Variants in PLEKHH1 observed in about 807,000 individuals in gnomAD.
PLEKHH1 encodes pleckstrin homology domain-containing family H member 1.
In PLEKHH1, 104 loss-of-function variants were observed where a neutral mutation model predicts 160.0. The observed-to-expected ratio is 0.65, with a 90% CI of 0.55 to 0.76. The LOEUF (loss-of-function observed/expected upper bound fraction) is 0.76. Ranked by LOEUF, PLEKHH1 falls within the 30% of genes least tolerant of loss-of-function variation. The probability of loss-of-function intolerance (pLI) is 0.00; values close to 1 mark genes in which losing one functional copy is unlikely to be tolerated. For missense variants in PLEKHH1, 1,427 were observed against 1,724.1 expected (o/e 0.83, Z 3.05); for synonymous variants, 619 against 678.4 (o/e 0.91, Z 1.36).
At chr14:67,549,182 C>T (rs1298917504) in intron 2 of PLEKHH1, among the ~76,000 whole-genome samples, 2 of 152,080 alleles carry the variant, frequency 1.3e-5, no homozygotes, top group Non-Finnish European at 2.9e-5. Flanking sequence ...TTTGTGCTCA[C>T]AGATCTGATT....
At position 67,579,117 on chromosome 14, in the gene PLEKHH1, C is replaced by CTCTT. The variant is rs138916872; in HGVS notation, c.2850-16_2850-13dup. 2 of 1,341,652 alleles carry CTCTT rather than the reference C, an allele frequency of 1.5e-6. No homozygotes were observed. Among genetic ancestry groups the CTCTT allele is most frequent in the Non-Finnish European group, 1.0e-6 (1 of 986,370 alleles). The allele number at this position is 1,341,652 out of a possible 1,614,324, so 83.1% of individuals were successfully genotyped here. The stretch of plus-strand genomic sequence containing the variant: ...GATGAGCAGAGCCCATAATACTCCC[C>CTCTT]TCTTCCGTCTTTTTAGAAGTGAAAC... On this transcript the variant is annotated splice_polypyrimidine_tract_variant and intron_variant, in intron 20 of 28. Transcript: ENST00000329153.
At chr14:67,575,327 C>A in intron 14 of PLEKHH1, 65 bp from the exon 15 acceptor site, 2 of 954,536 alleles carry the variant, frequency 2.1e-6, no homozygotes, top group Non-Finnish European at 3.2e-6. Context: ...CTTCTATTTG[C>A]CAGTCCTGGA....
chr14:67,551,972 C>T (rs2034410386), intron 2 of PLEKHH1, among the ~76,000 whole-genome samples: 1 of 152,192 alleles, frequency 6.6e-6, no homozygotes, highest in Non-Finnish European at 1.5e-5. Context: ...CACAGCAGGA[C>T]TGTGCTGGGA....
intron 1 of PLEKHH1, among the ~76,000 whole-genome samples, chr14:67,537,269 G>A (rs867990971): frequency 1.4e-5 from 2 of 147,238 alleles, no homozygotes; most frequent in Admixed American, 6.8e-5. Context: ...ATTTGAACCC[G>A]GGAGGCGGAG....
Position 67,580,801 on chromosome 14 carries a change from C to T in PLEKHH1, c.3184-137C>T, listed in dbSNP as rs145958285. ...CTTGGGTCCAGGAAGCATGAAGCTC[C>T]GCAGGTCAGCCTCCTGGTGGGAGGA... On this transcript the variant is annotated intron_variant, in intron 22 of 28. Coordinates refer to ENST00000329153, the MANE Select transcript of PLEKHH1 (RefSeq NM_020715.3). 1,136 of 609,280 alleles carry T rather than the reference C, an allele frequency of 1.9e-3. 7 individuals carry two copies. The highest frequency in any genetic ancestry group is 2.5e-3 in the Non-Finnish European group (864 of 340,516). 37.7% of individuals were successfully genotyped at this position (609,280 alleles called of 1,614,324 possible). A position where few individuals can be genotyped will look rare whatever the true frequency, so the allele number is the denominator to read the frequency against.
chr14:67,540,703 G>A (rs560605749), intron 1 of PLEKHH1, among the ~76,000 whole-genome samples: 89 of 151,906 alleles, frequency 5.9e-4, no homozygotes, highest in Middle Eastern at 3.4e-3. Context: ...GTGACCATGT[G>A]TCATGGTTTG....
intron 2 of PLEKHH1, among the ~76,000 whole-genome samples, chr14:67,546,308 C>T (rs527637495): frequency 2.0e-5 from 3 of 152,196 alleles, no homozygotes; most frequent in East Asian, 3.9e-4. Flanking sequence ...TAAGGGTTGA[C>T]GAAGCCGAAT....
chr14:67,574,189 G>C lies in PLEKHH1; in HGVS notation c.1927-53G>C. The C allele has an allele frequency of 6.7e-7, 1 of 1,498,140 alleles. No individual in the cohort carries two copies. Among genetic ancestry groups the C allele is most frequent in the East Asian group, 2.4e-5 (1 of 42,166 alleles). The allele number at this position is 1,498,140 out of a possible 1,614,324, so 92.8% of individuals were successfully genotyped here. A position where few individuals can be genotyped will look rare whatever the true frequency, so the allele number is the denominator to read the frequency against. On this transcript the variant is annotated intron_variant, in intron 13 of 28. Coordinates refer to ENST00000329153, the MANE Select transcript of PLEKHH1 (RefSeq NM_020715.3). This position sits in a 1 kb window ranked among gnomAD's most constrained non-coding sequence, Gnocchi z 4.2. ...GGTGCCACCTCGGAGCCAGGTCCTG[G>C]TTACTCCATTCTCCCAGCGTGCTGC... is the stretch of plus-strand genomic sequence containing the variant.
At position 67,573,854 on chromosome 14, in the gene PLEKHH1, A is replaced by G; in HGVS notation, c.1893A>G (p.Gln631=). 1 of 1,613,738 alleles carries G rather than the reference A, an allele frequency of 6.2e-7. No homozygotes were observed. The highest frequency in any genetic ancestry group is 1.1e-5 in the South Asian group (1 of 91,068). The change falls in exon 13 of 29, where the codon CAA becomes CAG. Residue 631 remains glutamine, a synonymous_variant. Transcript: ENST00000329153. This position sits in a 1 kb window ranked among gnomAD's most constrained non-coding sequence, Gnocchi z 4.8. ...AAGTGGATCTGAACTCCCGCTGCCA[A>G]ATTGTTCGAGGGGAGGGTTCACAGA... ...QGQVDLNSRC[Q]IVRGEGSQTF...
chr14:67,565,613 C>G (rs757941859), intron 7 of PLEKHH1, among the ~76,000 whole-genome samples: 6 of 152,154 alleles, frequency 3.9e-5, no homozygotes, highest in Non-Finnish European at 8.8e-5. Flanking sequence ...ATTGCCAGAG[C>G]TAAGGTCAGT....
intron 2 of PLEKHH1, among the ~76,000 whole-genome samples, chr14:67,554,263 A>G (rs1439402909): frequency 2.0e-5 from 3 of 152,118 alleles, no homozygotes; most frequent in African/African-American, 4.8e-5. Flanking sequence ...TTAATTAAGG[A>G]AAGCAGAATT....
Position 67,574,479 on chromosome 14 carries a change from TGGTGGGTTCCCCCTTATACGG to T in PLEKHH1, c.2088+79_2088+99del. On this transcript the variant is annotated intron_variant, in intron 14 of 28. Transcript: ENST00000329153. The surrounding 1 kb of genome is among the most constrained non-coding windows in gnomAD (Gnocchi z 4.2). ...GGAGCCAGGATTGGGGTGCCGAGGG[TGGTGGGTTCCCCCTTATACGG>T]GGCTCCTTTCTCTGGGAGCCTCCTC... The T allele has an allele frequency of 8.0e-7, 1 of 1,244,940 alleles. No homozygotes were observed. Among genetic ancestry groups the T allele is most frequent in the Non-Finnish European group, 1.1e-6 (1 of 937,860 alleles). The allele number at this position is 1,244,940 out of a possible 1,614,324, so 77.1% of individuals were successfully genotyped here.
In PLEKHH1 at chr14:67,581,033, G is replaced by C; in HGVS notation, c.3279G>C (p.Lys1093Asn). 12 of 1,605,396 alleles carry C rather than the reference G, an allele frequency of 7.5e-6. No individual in the cohort carries two copies. Among genetic ancestry groups the C allele is most frequent in the Non-Finnish European group, 1.0e-5 (12 of 1,172,040 alleles). ...CACGCGTCGTGAAGCTGATGTACAA[G>C]AACAGGTCCTAAGCACTGCACGAGG... ...GGTRVVKLMY[K>N]NRLYFRSQVK... The change falls in exon 23 of 29, where the codon AAG becomes AAC. Residue 1093 changes from lysine (K) to asparagine (N), a missense_variant. By Grantham distance (94) the Lys-to-Asn change is moderately conservative. This residue lies in a region of PLEKHH1 where 436 missense variants were observed against 607.5 expected (regional missense o/e 0.72). Coordinates refer to ENST00000329153, the MANE Select transcript of PLEKHH1 (RefSeq NM_020715.3).
chr14:67,581,186 C>G, intron 23 of PLEKHH1, 148 bp downstream of exon 23: 1 of 617,806 alleles, frequency 1.6e-6, no homozygotes, highest in East Asian at 2.8e-5. Flanking sequence ...GGGGTGCAGG[C>G]GGGCTCTGCT....
rs753877501 is a variant in PLEKHH1, at chr14:67,578,634, G to A, written c.2849+3G>A. On this transcript the variant is annotated splice_donor_region_variant and intron_variant, in intron 20 of 28. Transcript: ENST00000329153. The surrounding 1 kb of genome is among the most constrained non-coding windows in gnomAD (Gnocchi z 5.0). ...CTCCAACGCCATGCAGATCCCAGGTGAGTGAACCTGGCCGTTTCCTCTGCC... is the reference window on the plus strand; with the variant it reads ...CTCCAACGCCATGCAGATCCCAGGTAAGTGAACCTGGCCGTTTCCTCTGCC... 20 of 1,578,372 alleles carry A rather than the reference G, an allele frequency of 1.3e-5. No homozygotes were observed. Among genetic ancestry groups the A allele is most frequent in the Admixed American group, 6.9e-5 (4 of 57,708 alleles).
chr14:67,557,141 C>T (rs2034626518), intron 3 of PLEKHH1, 128 bp from the exon 4 acceptor site: 3 of 674,738 alleles, frequency 4.4e-6, no homozygotes, highest in Admixed American at 5.7e-5. Context: ...GCTCAGACTG[C>T]CCTGGGTAAG....
rs2035759273 is a variant in PLEKHH1 at position 67,578,949 on chromosome 14, C to G, written c.2850-185C>G. ...TGGGTTCTAGAAGAAAATATCCATG[C>G]CAGCAACCTGCTATATAAAGGTCCT... On this transcript the variant is annotated intron_variant, in intron 20 of 28. Transcript: ENST00000329153. This position sits in a 1 kb window ranked among gnomAD's most constrained non-coding sequence, Gnocchi z 5.0. Among the ~76,000 whole-genome samples the G allele has an allele frequency of 6.6e-6, 1 of 152,184 alleles. No individual in the cohort carries two copies. Among genetic ancestry groups the G allele is most frequent in the Admixed American group, 6.5e-5 (1 of 15,268 alleles).
Position 67,577,303 on chromosome 14 carries a change from T to C in PLEKHH1, c.2463T>C (p.Asp821=). The C allele has an allele frequency of 6.4e-7, 1 of 1,560,306 alleles. No individual in the cohort carries two copies. The highest frequency in any genetic ancestry group is 2.4e-5 in the East Asian group (1 of 41,602). ...GKLMDGEGDP[D]SPLWRHPMLC... Reference sequence around the variant, plus strand: ...TCTCTGGTTCCGTGCTTTGGGCAGATTCGCCGCTCTGGAGGCACCCCATGC... The same window carrying C: ...TCTCTGGTTCCGTGCTTTGGGCAGACTCGCCGCTCTGGAGGCACCCCATGC... The change falls in exon 18 of 29, where the codon GAT becomes GAC. Residue 821 remains aspartate, a splice_region_variant and synonymous_variant. Transcript: ENST00000329153.
In PLEKHH1 at chr14:67,582,379, A is replaced by C; in HGVS notation, c.3426+169A>C. The C allele has an allele frequency of 8.6e-7, 1 of 1,161,728 alleles. No individual in the cohort carries two copies. Among genetic ancestry groups the C allele is most frequent in the Admixed American group, 2.1e-5 (1 of 47,508 alleles). 72.0% of individuals were successfully genotyped at this position (1,161,728 alleles called of 1,614,324 possible). On this transcript the variant is annotated intron_variant, in intron 24 of 28. Coordinates refer to ENST00000329153, the MANE Select transcript of PLEKHH1 (RefSeq NM_020715.3). The surrounding 1 kb of genome is among the most constrained non-coding windows in gnomAD (Gnocchi z 5.0). ...TGACTTCTACAGATCAGAGCTCCTCACTCACCGCAGATATAGGATGCGTGC... is the reference window on the plus strand; with the variant it reads ...TGACTTCTACAGATCAGAGCTCCTCCCTCACCGCAGATATAGGATGCGTGC...
Sources: allele counts gnomAD v4.1 joint callset (sites outside exome capture counted in the v4.1 genomes callset), GRCh38; gene constraint gnomAD v4.1.1; regional missense constraint gnomAD v4.1.1; non-coding constraint Gnocchi (gnomAD v3.1); transcripts MANE v1.5; gene names NCBI Gene and HGNC (gene_info 2026-07-23, HGNC 2026-07-21).